Variants in TVP23A observed in about 807,000 individuals in gnomAD.
The protein encoded by TVP23A is Golgi apparatus membrane protein TVP23 homolog A.
A neutral mutation model predicts 31.7 loss-of-function variants in TVP23A; 21 were observed. That is an observed-to-expected ratio of 0.66 (90% CI 0.47 to 0.95). TVP23A has a LOEUF of 0.95. TVP23A is among the 40% of genes least tolerant of loss of function. The pLI is 0.00. For synonymous variants in TVP23A, 104 were observed against 96.0 expected, an observed-to-expected ratio of 1.08 and a Z score of -0.49; for missense variants, 279 against 255.6, an observed-to-expected ratio of 1.09 and a Z score of -0.62.
chr16:10,812,798 C>G lies in TVP23A; in HGVS notation c.89+5305G>C, dbSNP rs557971674. On this transcript the variant is annotated intron_variant, in intron 2 of 7. Transcript: ENST00000299866. ...TTCAGTTTTGCAAGATGAAAACACT[C>G]TGTTTCACAACGTGACTATACTTGA... Among the ~76,000 whole-genome samples, 4 of 152,052 alleles carry G rather than the reference C, an allele frequency of 2.6e-5. No homozygotes were observed. The East Asian group carries it at 7.7e-4, about 29-fold the overall frequency.
Position 10,779,917 on chromosome 16 carries a change from C to T in TVP23A, c.90-4821G>A, listed in dbSNP as rs9745536. Among the ~76,000 whole-genome samples the T allele has an allele frequency of 0.039, 5,892 of 152,104 alleles. 356 individuals are homozygous for T. The highest frequency in any genetic ancestry group is 0.14 in the African/African-American group (5,602 of 41,452). ...CAGCCTGGCCAACATGGCAAAACTC[C>T]GGCTCTAATAAAAATACAAAAATTA... is the stretch of plus-strand genomic sequence containing the variant. On this transcript the variant is annotated intron_variant, in intron 2 of 7. Transcript: ENST00000299866. The surrounding 1 kb of genome is among the most constrained non-coding windows in gnomAD (Gnocchi z 4.9).
downstream of TVP23A, among the ~76,000 whole-genome samples, chr16:10,757,649 G>C (rs1208880113): frequency 6.6e-6 from 1 of 152,074 alleles, no homozygotes; most frequent in Non-Finnish European, 1.5e-5. The surrounding 1 kb of genome is among the most constrained non-coding windows in gnomAD (Gnocchi z 4.1). Flanking sequence ...ATAGACCAAA[G>C]GCACAAAAAG....
downstream of TVP23A, among the ~76,000 whole-genome samples, chr16:10,758,786 C>T (rs551133819): frequency 2.6e-5 from 4 of 152,166 alleles, no homozygotes; most frequent in African/African-American, 4.8e-5. Flanking sequence ...ATAGGGATTT[C>T]GGGATAAGCC....
intron 2 of TVP23A, among the ~76,000 whole-genome samples, chr16:10,798,757 G>A (rs965369362): frequency 1.6e-4 from 24 of 151,954 alleles, no homozygotes; most frequent in Admixed American, 5.2e-4. Flanking sequence ...TCCACCTCCC[G>A]GGTTCAAGTG....
chr16:10,802,286 A>G (rs9934635), intron 2 of TVP23A, among the ~76,000 whole-genome samples: 1,289 of 76,734 alleles, frequency 0.017, 12 homozygotes, highest in African/African-American at 0.1. Flanking sequence ...GTGTGTGTGT[A>G]TATGTGTGTG....
At chr16:10,816,690 C>T (rs905645149) in intron 2 of TVP23A, among the ~76,000 whole-genome samples, 5 of 151,830 alleles carry the variant, frequency 3.3e-5, no homozygotes, top group African/African-American at 9.7e-5. Flanking sequence ...TGGGTGGACG[C>T]TAAATGCCAA....
At chr16:10,776,923 C>T (rs896059080) in intron 2 of TVP23A, among the ~76,000 whole-genome samples, 1 of 152,102 alleles carries the variant, frequency 6.6e-6, no homozygotes, top group Non-Finnish European at 1.5e-5. Context: ...CTCTCATGGC[C>T]ATCTTGGTTT....
rs1168114243 is a variant in TVP23A, at chr16:10,767,756, A to G, written c.*1346T>C. ...ACCACCTGATTATTTAGCCACGCTG[A>G]AATGCTGGCTGGGGACCCTGCTGGA... is the stretch of plus-strand genomic sequence containing the variant. On this transcript the variant is annotated 3_prime_UTR_variant, in exon 8 of 8. Coordinates refer to ENST00000299866, the MANE Select transcript of TVP23A (RefSeq NM_001079512.4). This position sits in a 1 kb window ranked among gnomAD's most constrained non-coding sequence, Gnocchi z 4.6. 2 of 594,062 alleles carry G rather than the reference A, an allele frequency of 3.4e-6. No individual in the cohort carries two copies. The highest frequency in any genetic ancestry group is 6.0e-6 in the Non-Finnish European group (2 of 334,106). 36.8% of individuals were successfully genotyped at this position (594,062 alleles called of 1,614,324 possible).
At chr16:10,785,609 C>G (rs1248345117) in intron 2 of TVP23A, among the ~76,000 whole-genome samples, 2 of 152,200 alleles carry the variant, frequency 1.3e-5, no homozygotes, top group Admixed American at 1.3e-4. Flanking sequence ...TGAGAACACA[C>G]TCAGGAGATC....
chr16:10,783,970 T>C (rs1248042302), intron 2 of TVP23A, among the ~76,000 whole-genome samples: 2 of 152,088 alleles, frequency 1.3e-5, no homozygotes, highest in Non-Finnish European at 2.9e-5. Context: ...GAGGGGACTT[T>C]TAGAGCTGGG....
chr16:10,766,786 TA>T lies in TVP23A; in HGVS notation c.*2315del, dbSNP rs2030947041. On this transcript the variant is annotated 3_prime_UTR_variant, in exon 8 of 8. Transcript: ENST00000299866. The surrounding 1 kb of genome is among the most constrained non-coding windows in gnomAD (Gnocchi z 4.8). Reference sequence around the variant, plus strand: ...GGCCCCATTACAGAGTTTTTGTGTTTAAATACCCTCTACTTGAGGTACGCCC... The same window carrying T: ...GGCCCCATTACAGAGTTTTTGTGTTTAATACCCTCTACTTGAGGTACGCCC... The T allele has an allele frequency of 2.5e-6, 1 of 397,262 alleles. No individual in the cohort carries two copies. Among genetic ancestry groups the T allele is most frequent in the African/African-American group, 2.1e-5 (1 of 48,742 alleles). 24.6% of individuals were successfully genotyped at this position (397,262 alleles called of 1,614,324 possible). A position where few individuals can be genotyped will look rare whatever the true frequency, so the allele number is the denominator to read the frequency against.
At chr16:10,801,022 C>T (rs1485302508) in intron 2 of TVP23A, among the ~76,000 whole-genome samples, 1 of 152,086 alleles carries the variant, frequency 6.6e-6, no homozygotes, top group Non-Finnish European at 1.5e-5. Flanking sequence ...AAACAGTATT[C>T]CTGCTTTTTG....
intron 2 of TVP23A, among the ~76,000 whole-genome samples, chr16:10,794,648 G>A (rs1171749971): frequency 2.0e-5 from 3 of 152,144 alleles, no homozygotes; most frequent in Admixed American, 6.5e-5. Flanking sequence ...AATCAGTTAT[G>A]TATGCAGGTG....
At chr16:10,765,327 TAAAAAA>T (rs533208449), downstream of TVP23A, among the ~76,000 whole-genome samples, 53 of 111,262 alleles carry the variant, frequency 4.8e-4, no homozygotes, top group South Asian at 2.0e-3. This position sits in a 1 kb window ranked among gnomAD's most constrained non-coding sequence, Gnocchi z 4.0. Context: ...CCTCATCTCT[TAAAAAA>T]AAAAAAAAAA....
intron 2 of TVP23A, among the ~76,000 whole-genome samples, chr16:10,793,807 G>A (rs944096402): frequency 2.8e-5 from 4 of 144,986 alleles, no homozygotes; most frequent in African/African-American, 5.2e-5. Flanking sequence ...GCTGAAGTGC[G>A]AGGACTGATT....
At chr16:10,788,027 T>C (rs1008195322) in intron 2 of TVP23A, among the ~76,000 whole-genome samples, 10 of 152,094 alleles carry the variant, frequency 6.6e-5, no homozygotes, top group African/African-American at 2.4e-4. Flanking sequence ...CCTGAGAACA[T>C]GTGCCCAAGG....
At position 10,769,109 on chromosome 16, in the gene TVP23A, G is replaced by T. The variant is rs1039207477; in HGVS notation, c.*1-8C>A. The T allele has an allele frequency of 6.2e-7, 1 of 1,613,546 alleles. No individual in the cohort carries two copies. The highest frequency in any genetic ancestry group is 1.1e-5 in the South Asian group (1 of 91,062). On this transcript the variant is annotated splice_polypyrimidine_tract_variant and splice_region_variant and intron_variant, in intron 7 of 7. Transcript: ENST00000299866. The stretch of plus-strand genomic sequence containing the variant: ...AGAGAACCTCATCAGTTCCTGAAAC[G>T]AGAGAATGTTCAGGACCAAGCAGTT...
chr16:10,794,821 G>A (rs1302195558), intron 2 of TVP23A, among the ~76,000 whole-genome samples: 1 of 152,114 alleles, frequency 6.6e-6, no homozygotes, highest in African/African-American at 2.4e-5. Context: ...GCTAGCAGCT[G>A]CTCTGAGTGG....
chr16:10,810,970 A>G (rs2034170696), intron 2 of TVP23A, among the ~76,000 whole-genome samples: 2 of 152,178 alleles, frequency 1.3e-5, no homozygotes, highest in African/African-American at 4.8e-5. Context: ...ATACTTACAG[A>G]TATCCTATTG....
Sources: allele counts gnomAD v4.1 joint callset (sites outside exome capture counted in the v4.1 genomes callset), GRCh38; gene constraint gnomAD v4.1.1; non-coding constraint Gnocchi (gnomAD v3.1); transcripts MANE v1.5; gene names NCBI Gene and HGNC (gene_info 2026-07-23, HGNC 2026-07-21).